Variants in DFFB observed in about 807,000 individuals in gnomAD.
DFFB encodes the protein DNA fragmentation factor subunit beta.
Under a neutral mutation model 32.7 loss-of-function variants are expected in DFFB, and 29 were observed. The observed-to-expected ratio is 0.89, with a 90% CI of 0.66 to 1.21. The LOEUF is 1.21. Ranked by LOEUF, DFFB falls within the 50% of genes most tolerant of loss-of-function variation. The pLI is 0.00. For missense variants in DFFB, 398 were observed against 440.6 expected, an observed-to-expected ratio of 0.90 and a Z score of 0.87; for synonymous variants, 170 against 177.1, an observed-to-expected ratio of 0.96 and a Z score of 0.32.
intron 6 of DFFB, 122 bp downstream of exon 6, chr1:3,872,694 CT>C: frequency 1.3e-6 from 1 of 780,966 alleles, no homozygotes; most frequent in Non-Finnish European, 2.0e-6. Flanking sequence ...GTGTTGCCTC[CT>C]TGGGTTTCAA....
At chr1:3,869,797 C>G in intron 5 of DFFB, 22 bp downstream of exon 5, 1 of 1,574,826 alleles carries the variant, frequency 6.3e-7, no homozygotes, top group Non-Finnish European at 8.7e-7. Context: ...GCCCTTTATC[C>G]TGGGGCCACC....
At chr1:3,868,756 T>A (rs986020304) in intron 4 of DFFB, among the ~76,000 whole-genome samples, 1 of 96,796 alleles carries the variant, frequency 1.0e-5, no homozygotes, top group Non-Finnish European at 2.1e-5. Context: ...CATTAGCACA[T>A]GGAGGGTGCT....
chr1:3,871,873 C>G (rs10909816), intron 5 of DFFB, among the ~76,000 whole-genome samples: 15,789 of 152,122 alleles, frequency 0.1, 873 homozygotes, highest in East Asian at 0.22. Context: ...GCACATCTCA[C>G]GTGCGGGGAG....
At chr1:3,871,646 C>A (rs569522036) in intron 5 of DFFB, among the ~76,000 whole-genome samples, 1 of 152,210 alleles carries the variant, frequency 6.6e-6, no homozygotes, top group Non-Finnish European at 1.5e-5. Flanking sequence ...GACCAGCCCC[C>A]ACGGGGTGCG....
chr1:3,863,191 A>G (rs964000482), intron 2 of DFFB, among the ~76,000 whole-genome samples: 1 of 152,366 alleles, frequency 6.6e-6, no homozygotes, highest in East Asian at 1.9e-4. Flanking sequence ...ACTTAATAGT[A>G]AAAAGATAAC....
intron 6 of DFFB, among the ~76,000 whole-genome samples, chr1:3,876,212 C>A (rs1305579145): frequency 6.6e-6 from 1 of 152,190 alleles, no homozygotes; most frequent in Admixed American, 6.5e-5. Flanking sequence ...CCACATGCAA[C>A]AAGTACCCAA....
intron 5 of DFFB, among the ~76,000 whole-genome samples, chr1:3,870,338 G>C (rs981131341): frequency 1.3e-5 from 2 of 152,210 alleles, no homozygotes; most frequent in Non-Finnish European, 2.9e-5. Flanking sequence ...ACTGATGCCC[G>C]TGATCTTCCG....
Position 3,883,942 on chromosome 1 carries a change from T to C in DFFB, c.*201T>C, listed in dbSNP as rs1271037622. Reference sequence around the variant, plus strand: ...TTTTTTTTGTTGTTTTGTTTTGTTTTGTAGATGGAGTTTCACTTTTGTTGC... The same window carrying C: ...TTTTTTTTGTTGTTTTGTTTTGTTTCGTAGATGGAGTTTCACTTTTGTTGC... On this transcript the variant is annotated 3_prime_UTR_variant, in exon 7 of 7. Transcript: ENST00000378209. 8 of 584,438 alleles carry C rather than the reference T, an allele frequency of 1.4e-5. No individual in the cohort carries two copies. Among genetic ancestry groups the C allele is most frequent in the Non-Finnish European group, 2.1e-5 (7 of 331,806 alleles). The allele number at this position is 584,438 out of a possible 1,614,324, so 36.2% of individuals were successfully genotyped here.
chr1:3,872,851 G>A (rs1285515795), intron 6 of DFFB, among the ~76,000 whole-genome samples: 2 of 152,256 alleles, frequency 1.3e-5, no homozygotes, highest in African/African-American at 2.4e-5. Flanking sequence ...CCTCCCTGTG[G>A]ATGGAGCTGG....
intron 6 of DFFB, among the ~76,000 whole-genome samples, chr1:3,874,032 G>C (rs575069325): frequency 6.6e-6 from 1 of 152,366 alleles, no homozygotes; most frequent in South Asian, 2.1e-4. Context: ...AGGTGTGTGT[G>C]CCCTTCAGAG....
At chr1:3,881,184 G>T (rs974032968) in intron 6 of DFFB, among the ~76,000 whole-genome samples, 4 of 152,220 alleles carry the variant, frequency 2.6e-5, no homozygotes, top group African/African-American at 9.6e-5. Flanking sequence ...CCTTCAGGAT[G>T]GGGGAGGACA....
At chr1:3,869,374 A>G (rs1645063618) in intron 4 of DFFB, among the ~76,000 whole-genome samples, 1 of 152,108 alleles carries the variant, frequency 6.6e-6, no homozygotes, top group South Asian at 2.1e-4. Flanking sequence ...TATCTCATCT[A>G]AGTCTCACCC....
At chr1:3,871,163 G>T (rs779149508) in intron 5 of DFFB, among the ~76,000 whole-genome samples, 2 of 152,242 alleles carry the variant, frequency 1.3e-5, no homozygotes, top group African/African-American at 2.4e-5. Context: ...CCATGAGGTG[G>T]GGGTGCTGGT....
intron 2 of DFFB, among the ~76,000 whole-genome samples, chr1:3,860,808 CTAGCCCG>C (rs1272636370): frequency 6.6e-6 from 1 of 152,126 alleles, no homozygotes; most frequent in African/African-American, 2.4e-5. Context: ...CCAGCAATCC[CTAGCCCG>C]TAGCAACTGC....
At chr1:3,860,384 G>C in intron 2 of DFFB, 1 of 403,108 alleles carries the variant, frequency 2.5e-6, no homozygotes, top group Non-Finnish European at 5.1e-6. Flanking sequence ...GCATTACCAC[G>C]TCTGGCTAAT....
At chr1:3,875,788 A>T (rs1019585579) in intron 6 of DFFB, among the ~76,000 whole-genome samples, 1 of 151,846 alleles carries the variant, frequency 6.6e-6, no homozygotes, top group African/African-American at 2.4e-5. Flanking sequence ...TTATTTATTT[A>T]TTTTTTGAGA....
chr1:3,864,859 T>C (rs946532006), intron 2 of DFFB, among the ~76,000 whole-genome samples: 2 of 152,176 alleles, frequency 1.3e-5, no homozygotes, highest in African/African-American at 4.8e-5. Flanking sequence ...CTAAATATCT[T>C]CTTATGTGCT....
Position 3,864,678 on chromosome 1 carries a change from C to A in DFFB, c.242-1134C>A, listed in dbSNP as rs549219194. ...GTAACTGGGACTACAGGTGTGCACC[C>A]CCATGTGCCGCTAATTATTATGATT... is the stretch of plus-strand genomic sequence containing the variant. On this transcript the variant is annotated intron_variant, in intron 2 of 6. Coordinates refer to ENST00000378209, the MANE Select transcript of DFFB (RefSeq NM_004402.4). 2.0e-5 allele frequency among the ~76,000 whole-genome samples: 3 copies of A among 152,102 alleles called. No homozygotes were observed. The South Asian group carries it at 6.2e-4, about 32-fold the overall frequency.
In DFFB at chr1:3,871,291, T is replaced by G. The variant is rs539079578; in HGVS notation, c.682-1181T>G. Among the ~76,000 whole-genome samples the G allele has an allele frequency of 1.2e-4, 18 of 152,188 alleles. 1 individual carries two copies. Among genetic ancestry groups the G allele is most frequent in the South Asian group, 1.0e-3 (5 of 4,826 alleles). On this transcript the variant is annotated intron_variant, in intron 5 of 6. Coordinates refer to ENST00000378209, the MANE Select transcript of DFFB (RefSeq NM_004402.4). ...TCTGATTCCAAAGGCAGAGCTTTTT[T>G]TTTGTTTGTTTGTTTGAGACGAGTC...
Sources: allele counts gnomAD v4.1 joint callset (sites outside exome capture counted in the v4.1 genomes callset), GRCh38; gene constraint gnomAD v4.1.1; transcripts MANE v1.5; gene names NCBI Gene and HGNC (gene_info 2026-07-23, HGNC 2026-07-21).